RASGRF1: variants seen among roughly 807,000 people sequenced by gnomAD.
RASGRF1 encodes Ras protein specific guanine nucleotide releasing factor 1.
Under a neutral mutation model 138.7 loss-of-function variants are expected in RASGRF1, and 40 were observed. The ratio of observed to expected loss-of-function variants is 0.29; its 90% confidence interval spans 0.22 to 0.38. The LOEUF is 0.38. Ranked by LOEUF, RASGRF1 falls within the 10% of genes least tolerant of loss-of-function variation. The pLI is 1.00. For missense variants in RASGRF1, 1,108 were observed against 1,650.4 expected, an observed-to-expected ratio of 0.67 and a Z score of 5.69; for synonymous variants, 614 against 663.2, an observed-to-expected ratio of 0.93 and a Z score of 1.14.
chr15:78,974,083 G>A (rs902267181), intron 24 of RASGRF1, among the ~76,000 whole-genome samples: 13 of 152,194 alleles, frequency 8.5e-5, no homozygotes, highest in African/African-American at 2.7e-4. Flanking sequence ...CTGGGCCCCC[G>A]GAGTGATGGG....
At chr15:78,979,877 C>T (rs557254902) in intron 24 of RASGRF1, among the ~76,000 whole-genome samples, 6 of 152,202 alleles carry the variant, frequency 3.9e-5, no homozygotes, top group African/African-American at 9.7e-5. Flanking sequence ...TGATGGTTGT[C>T]AAGTGGGGAG....
chr15:78,999,660 A>C, intron 17 of RASGRF1, 83 bp downstream of exon 17: 1 of 1,512,230 alleles, frequency 6.6e-7, no homozygotes, highest in South Asian at 1.2e-5. Context: ...CAGCAGAGCA[A>C]GTCCCCGGGA....
At position 79,004,126 on chromosome 15, in the gene RASGRF1, C is replaced by T. The variant is rs754245001; in HGVS notation, c.2125G>A (p.Gly709Ser). The T allele has an allele frequency of 3.9e-5, 63 of 1,609,646 alleles. 1 individual carries two copies. The highest frequency in any genetic ancestry group is 8.9e-5 in the East Asian group (4 of 44,778). ...GCGCGCGGGGACTTGGGGGGTTCAC[C>T]GTACAGGAGCTTATTGTTCTGGCCA... ...ASGQNNKLLY[G>S]EPPKSPRATR... Residue 709 changes from glycine (G) to serine (S), a missense_variant, in exon 15 of 27, where the codon GGT (glycine) becomes AGT (serine). Around this residue, in one of 3 missense-constraint regions of RASGRF1, gnomAD observed 686 missense variants for 976.7 expected, o/e 0.70. Transcript: ENST00000558480.
chr15:79,021,343 G>A (rs2056958724), intron 10 of RASGRF1, among the ~76,000 whole-genome samples: 1 of 152,240 alleles, frequency 6.6e-6, no homozygotes, highest in African/African-American at 2.4e-5. Flanking sequence ...AGAGCAGGCT[G>A]CCCCTTGGGA....
At chr15:79,021,053 TATC>T (rs1483298682) in intron 10 of RASGRF1, among the ~76,000 whole-genome samples, 2 of 152,146 alleles carry the variant, frequency 1.3e-5, no homozygotes, top group African/African-American at 4.8e-5. Flanking sequence ...CATGGAGGCA[TATC>T]ATCTTGGAAA....
chr15:79,062,587 T>C (rs1453318325), intron 2 of RASGRF1, among the ~76,000 whole-genome samples: 5 of 152,116 alleles, frequency 3.3e-5, no homozygotes, highest in African/African-American at 9.7e-5. Flanking sequence ...CAGGCTGGAG[T>C]GCAATGGCGC....
intron 3 of RASGRF1, among the ~76,000 whole-genome samples, chr15:79,052,019 C>T (rs1326204928): frequency 6.6e-6 from 1 of 152,198 alleles, no homozygotes; most frequent in East Asian, 1.9e-4. Flanking sequence ...TTACATCCTG[C>T]CCCTACTTAG....
intron 22 of RASGRF1, 177 bp from the exon 23 acceptor site, chr15:78,985,381 T>G: frequency 1.6e-6 from 1 of 628,516 alleles, no homozygotes; most frequent in South Asian, 2.2e-5. Flanking sequence ...TATACAAAAA[T>G]GAAAAGTTTA....
At chr15:78,965,017 C>T (rs1240630203) in intron 26 of RASGRF1, among the ~76,000 whole-genome samples, 2 of 152,042 alleles carry the variant, frequency 1.3e-5, no homozygotes, top group Non-Finnish European at 2.9e-5. Context: ...CGCGCCCGGC[C>T]GTTTTCAGGT....
At chr15:79,018,254 A>G (rs2056909276) in intron 11 of RASGRF1, among the ~76,000 whole-genome samples, 1 of 152,372 alleles carries the variant, frequency 6.6e-6, no homozygotes, top group South Asian at 2.1e-4. Context: ...AAGCCAGGGC[A>G]GGGCTAGAAT....
chr15:78,969,410 C>A (rs577019656), intron 26 of RASGRF1, among the ~76,000 whole-genome samples: 1 of 152,280 alleles, frequency 6.6e-6, no homozygotes, highest in Admixed American at 6.5e-5. Flanking sequence ...CTAGGTCATG[C>A]CTGTAATCCC....
At chr15:79,001,900 G>A (rs1380842458) in intron 15 of RASGRF1, 113 bp from the exon 16 acceptor site, 2 of 717,652 alleles carry the variant, frequency 2.8e-6, no homozygotes, top group African/African-American at 1.9e-5. Flanking sequence ...GAGTAAACTT[G>A]GGATACAGCC....
chr15:78,972,271 T>C (rs1043317947), intron 25 of RASGRF1, among the ~76,000 whole-genome samples: 4 of 152,004 alleles, frequency 2.6e-5, no homozygotes, highest in Admixed American at 2.6e-4. Flanking sequence ...AATTTTTGTA[T>C]TTTTAGTAGA....
Position 78,991,661 on chromosome 15 carries a change from G to C in RASGRF1, c.3131+30C>G, listed in dbSNP as rs765022114. ...TCCAAGACAGTGCCTGAGGAAGCGGGGGGAGGCGGGTGGTGCCTGCAACAC... is the reference window on the plus strand; with the variant it reads ...TCCAAGACAGTGCCTGAGGAAGCGGCGGGAGGCGGGTGGTGCCTGCAACAC... On this transcript the variant is annotated intron_variant, in intron 21 of 26. Coordinates refer to ENST00000558480, the MANE Select transcript of RASGRF1 (RefSeq NM_001145648.3). 6.4e-6 allele frequency: 10 copies of C among 1,564,290 alleles called. No individual in the cohort carries two copies. The African/African-American group carries it at 1.2e-4, about 19-fold the overall frequency.
intron 14 of RASGRF1, chr15:79,005,533 A>G: frequency 1.0e-6 from 1 of 985,684 alleles, no homozygotes. Flanking sequence ...GGCCTGAGCC[A>G]ATCCCTGAAC....
intron 24 of RASGRF1, among the ~76,000 whole-genome samples, chr15:78,975,515 CT>C (rs55747212): frequency 0.27 from 37,212 of 140,224 alleles, 4,824 homozygotes; most frequent in African/African-American, 0.37. Context: ...CTTTCTTTTT[CT>C]TTTTTTTTTT....
intron 1 of RASGRF1, chr15:79,064,791 CA>C: frequency 2.3e-6 from 1 of 437,308 alleles, no homozygotes; most frequent in Admixed American, 4.0e-5. Context: ...CAACAAATTG[CA>C]AAAAAGCCAG....
chr15:79,030,975 A>T (rs1321561981), intron 8 of RASGRF1, among the ~76,000 whole-genome samples: 1 of 152,182 alleles, frequency 6.6e-6, no homozygotes. Context: ...GTGCTTATCC[A>T]ACCACTGCCA....
chr15:79,071,299 CCT>C (rs2057751485), intron 1 of RASGRF1, among the ~76,000 whole-genome samples: 2 of 152,244 alleles, frequency 1.3e-5, no homozygotes, highest in South Asian at 2.1e-4. Flanking sequence ...CATTTCCTTT[CCT>C]CTCTGTTCTT....
Sources: gnomAD v4.1 joint callset for allele counts (sites outside exome capture counted in the v4.1 genomes callset) on GRCh38, gnomAD v4.1.1 for gene constraint, gnomAD v4.1.1 regional missense constraint, MANE v1.5 for transcripts, NCBI Gene and HGNC (gene_info 2026-07-23, HGNC 2026-07-21) for gene names.